The following MYEF2 variants were observed in gnomAD, a reference collection of about 807,000 sequenced individuals.
MYEF2 encodes the protein myelin expression factor 2.
MYEF2 carries 37 observed loss-of-function variants against 75.2 expected under a neutral mutation model. The ratio of observed to expected loss-of-function variants is 0.49; its 90% CI spans 0.38 to 0.65. The LOEUF is 0.65. MYEF2 is among the 30% of genes least tolerant of loss of function. The pLI, the probability that MYEF2 is intolerant of heterozygous loss-of-function variation, is 0.00. For missense variants in MYEF2, 634 were observed against 771.4 expected (o/e 0.82, Z 2.11); for synonymous variants, 195 against 241.6 (o/e 0.81, Z 1.79).
At chr15:48,166,854 A>T (rs1475355986) in intron 3 of MYEF2, among the ~76,000 whole-genome samples, 1 of 151,972 alleles carries the variant, frequency 6.6e-6, no homozygotes, top group African/African-American at 2.4e-5. Flanking sequence ...CTATCAACCA[A>T]TTCCTTCTAC....
At chr15:48,147,312 T>G (rs1489109215) in intron 16 of MYEF2, among the ~76,000 whole-genome samples, 1 of 152,006 alleles carries the variant, frequency 6.6e-6, no homozygotes, top group East Asian at 1.9e-4. Flanking sequence ...GAAAGCAGCC[T>G]ACAAAGAATA....
chr15:48,163,023 G>C (rs888914281), intron 5 of MYEF2: 1 of 152,172 alleles, frequency 6.6e-6, no homozygotes, highest in African/African-American at 2.4e-5. Flanking sequence ...ATTAAGCTTA[G>C]TGAGGAAGGC....
In MYEF2 at chr15:48,136,834, A is replaced by G. The variant is rs2038912026; in HGVS notation, c.*6074T>C. 6.2e-7 allele frequency: 1 copy of G among 1,613,758 alleles called. No homozygotes were observed. Among genetic ancestry groups the G allele is most frequent in the African/African-American group, 1.3e-5 (1 of 74,914 alleles). ...GGAGAGAAGTGAACAACAGCCACTG[A>G]TGGGCTGGGAAGATGAAGGTCAACC... On this transcript the variant is annotated 3_prime_UTR_variant, in exon 17 of 17. Coordinates refer to ENST00000324324, the MANE Select transcript of MYEF2 (RefSeq NM_016132.5).
chr15:48,141,005 TA>T lies in MYEF2; in HGVS notation c.*1902del, dbSNP rs2039061433. Reference sequence around the variant, plus strand: ...GCAAGCACATATTGGCTCTGAATTCTAAATGTGCCTATTTTATTTTTGTTCA... The same window carrying T: ...GCAAGCACATATTGGCTCTGAATTCTAATGTGCCTATTTTATTTTTGTTCA... On this transcript the variant is annotated 3_prime_UTR_variant, in exon 17 of 17. Coordinates refer to ENST00000324324, the MANE Select transcript of MYEF2 (RefSeq NM_016132.5). 1.1e-5 allele frequency: 9 copies of T among 840,468 alleles called. No homozygotes were observed. The highest frequency in any genetic ancestry group is 1.7e-5 in the Non-Finnish European group (9 of 527,016). 52.1% of individuals were successfully genotyped at this position (840,468 alleles called of 1,614,324 possible). A position where few individuals can be genotyped will look rare whatever the true frequency, so the allele number is the denominator to read the frequency against.
Position 48,136,959 on chromosome 15 carries a change from T to C in MYEF2, c.*5949A>G. ...GTTTACATGGCCTTAGTCAGGTTTC[T>C]GAAGGTAATCACTAAATCTTGCCCA... On this transcript the variant is annotated 3_prime_UTR_variant, in exon 17 of 17. Coordinates refer to ENST00000324324, the MANE Select transcript of MYEF2 (RefSeq NM_016132.5). 1 of 1,605,908 alleles carries C rather than the reference T, an allele frequency of 6.2e-7. No individual in the cohort carries two copies. The highest frequency in any genetic ancestry group is 8.5e-7 in the Non-Finnish European group (1 of 1,174,110).
chr15:48,139,334 T>C lies in MYEF2; in HGVS notation c.*3574A>G. ...ATGATTAAGTATTACTATAACAAGA[T>C]CACTGGAGTTTGTGAGTTGCATATT... is the stretch of plus-strand genomic sequence containing the variant. On this transcript the variant is annotated 3_prime_UTR_variant, in exon 17 of 17. Transcript: ENST00000324324. 3.5e-6 allele frequency: 2 copies of C among 568,794 alleles called. No individual in the cohort carries two copies. Among genetic ancestry groups the C allele is most frequent in the Admixed American group, 3.1e-5 (1 of 32,514 alleles). 35.2% of individuals were successfully genotyped at this position (568,794 alleles called of 1,614,324 possible). A position where few individuals can be genotyped will look rare whatever the true frequency, so the allele number is the denominator to read the frequency against.
chr15:48,159,425 A>G (rs1313771864), intron 6 of MYEF2, among the ~76,000 whole-genome samples, 188 bp downstream of exon 6: 1 of 151,944 alleles, frequency 6.6e-6, no homozygotes, highest in Non-Finnish European at 1.5e-5. Flanking sequence ...TTAAACTCTA[A>G]CCTTGTGCGT....
chr15:48,168,628 T>C lies in MYEF2; in HGVS notation c.370+3A>G. ...AACAGTGGGTTATTTCAGAGATAGT[T>C]ACCTTTCTCTCTCATTAGATCTTTA... On this transcript the variant is annotated splice_donor_region_variant and intron_variant, in intron 2 of 16. Transcript: ENST00000324324. 1 of 1,608,080 alleles carries C rather than the reference T, an allele frequency of 6.2e-7. No homozygotes were observed. Among genetic ancestry groups the C allele is most frequent in the Admixed American group, 1.7e-5 (1 of 59,872 alleles).
rs1397436200 is a variant in MYEF2 at position 48,148,903 on chromosome 15, G to A, written c.1639+129C>T. The A allele has an allele frequency of 4.6e-6, 4 of 862,172 alleles. No individual in the cohort carries two copies. In the Admixed American group the frequency reaches 8.6e-5, roughly 19 times the overall value. 53.4% of individuals were successfully genotyped at this position (862,172 alleles called of 1,614,324 possible). A position where few individuals can be genotyped will look rare whatever the true frequency, so the allele number is the denominator to read the frequency against. ...TTTATTTGAAGTGGAATTAGACCTG[G>A]CACGCTATCAAGACTATCCAGGAAT... On this transcript the variant is annotated intron_variant, in intron 16 of 16. Transcript: ENST00000324324.
intron 3 of MYEF2, 43 bp from the exon 4 acceptor site, chr15:48,166,171 GT>G: frequency 6.7e-7 from 1 of 1,490,544 alleles, no homozygotes; most frequent in Non-Finnish European, 9.2e-7. Context: ...AAGAAAAAAA[GT>G]TTTAGATCAG....
chr15:48,141,092 T>G lies in MYEF2; in HGVS notation c.*1816A>C, dbSNP rs1003962402. ...TAGTGAATCTTTAAGATTTGTAACT[T>G]GAAATATCTGTTTATTACAGGGGAA... On this transcript the variant is annotated 3_prime_UTR_variant, in exon 17 of 17. Transcript: ENST00000324324. 6.3e-7 allele frequency: 1 copy of G among 1,576,356 alleles called. No individual in the cohort carries two copies. Among genetic ancestry groups the G allele is most frequent in the African/African-American group, 1.4e-5 (1 of 73,890 alleles).
rs1567268788 is a variant in MYEF2 at position 48,166,106 on chromosome 15, GA to G, written c.431+14del. 1 of 1,578,330 alleles carries G rather than the reference GA, an allele frequency of 6.3e-7. No individual in the cohort carries two copies. The highest frequency in any genetic ancestry group is 8.6e-7 in the Non-Finnish European group (1 of 1,159,968). ...TTTAATTTGACTTAAGATACTTAAA[GA>G]AAAAATTTCTTACCCACAACCCTAT... On this transcript the variant is annotated intron_variant, in intron 4 of 16. Coordinates refer to ENST00000324324, the MANE Select transcript of MYEF2 (RefSeq NM_016132.5).
chr15:48,151,263 A>T, intron 13 of MYEF2, 92 bp from the exon 14 acceptor site: 1 of 1,185,074 alleles, frequency 8.4e-7, no homozygotes. Flanking sequence ...TTTACAATAA[A>T]TGAAAAGCAT....
At position 48,142,352 on chromosome 15, in the gene MYEF2, T is replaced by C. The variant is rs746942320; in HGVS notation, c.*556A>G. On this transcript the variant is annotated 3_prime_UTR_variant, in exon 17 of 17. Coordinates refer to ENST00000324324, the MANE Select transcript of MYEF2 (RefSeq NM_016132.5). ...TAAAATAAGGGGCTGTGGAGGTTGATATTATTAATAGTGTTATGCAGAAAA... is the reference window on the plus strand; with the variant it reads ...TAAAATAAGGGGCTGTGGAGGTTGACATTATTAATAGTGTTATGCAGAAAA... 6.4e-7 allele frequency: 1 copy of C among 1,574,666 alleles called. No homozygotes were observed. Among genetic ancestry groups the C allele is most frequent in the Non-Finnish European group, 8.7e-7 (1 of 1,155,218 alleles).
chr15:48,164,807 A>T (rs1020090220), intron 5 of MYEF2, among the ~76,000 whole-genome samples: 2 of 152,232 alleles, frequency 1.3e-5, no homozygotes, highest in Admixed American at 1.3e-4. Flanking sequence ...TTTCAGCAAT[A>T]AAGTATTTTT....
At chr15:48,168,989 G>T in intron 1 of MYEF2, 150 bp from the exon 2 acceptor site, 1 of 638,434 alleles carries the variant, frequency 1.6e-6, no homozygotes, top group Non-Finnish European at 2.7e-6. Flanking sequence ...ATCAGCCTGA[G>T]AGCTTTGAAA....
chr15:48,164,136 A>G (rs140717185), intron 5 of MYEF2, among the ~76,000 whole-genome samples: 1 of 152,336 alleles, frequency 6.6e-6, no homozygotes, highest in African/African-American at 2.4e-5. Flanking sequence ...GGCAAAGTAA[A>G]TTAAAAACCT....
intron 3 of MYEF2, among the ~76,000 whole-genome samples, chr15:48,166,685 T>C (rs2040144563): frequency 6.6e-6 from 1 of 151,992 alleles, no homozygotes; most frequent in African/African-American, 2.4e-5. Context: ...TAAAAAATAA[T>C]TCCCTGTGAT....
chr15:48,156,934 G>A (rs2039720617), intron 9 of MYEF2, among the ~76,000 whole-genome samples: 1 of 151,924 alleles, frequency 6.6e-6, no homozygotes, highest in African/African-American at 2.4e-5. Context: ...TGTTTCCTCT[G>A]GATAAGGCAT....
Sources: allele counts gnomAD v4.1 joint callset (sites outside exome capture counted in the v4.1 genomes callset), GRCh38; gene constraint gnomAD v4.1.1; transcripts MANE v1.5; gene names NCBI Gene and HGNC (gene_info 2026-07-23, HGNC 2026-07-21).